The following GCH1 variants were observed in gnomAD, a reference collection of about 807,000 sequenced individuals.
GCH1 encodes the protein GTP cyclohydrolase 1.
A neutral mutation model predicts 25.9 loss-of-function variants in GCH1; 5 were observed. The observed-to-expected ratio is 0.19, with a 90% CI of 0.10 to 0.41. GCH1 has a LOEUF of 0.41. Among genes scored for constraint, GCH1 ranks in the 10% least tolerant of loss-of-function variants. The pLI is 1.00. For synonymous variants in GCH1, 159 were observed against 129.6 expected (o/e 1.23, Z -1.54); for missense variants, 261 against 336.5 (o/e 0.78, Z 1.75).
chr14:54,874,776 ACT>A (rs1257599994), intron 1 of GCH1, among the ~76,000 whole-genome samples: 2 of 152,172 alleles, frequency 1.3e-5, no homozygotes, highest in Non-Finnish European at 2.9e-5. Flanking sequence ...TAGGAATCCA[ACT>A]TACAAGGGAC....
intron 3 of GCH1, among the ~76,000 whole-genome samples, chr14:54,855,327 G>A (rs1312489078): frequency 6.6e-6 from 1 of 151,850 alleles, no homozygotes; most frequent in African/African-American, 2.4e-5. Flanking sequence ...CCAACATGTT[G>A]AAACCCCATC....
intron 1 of GCH1, among the ~76,000 whole-genome samples, chr14:54,868,106 T>A (rs1199574446): frequency 1.3e-5 from 2 of 151,966 alleles, no homozygotes; most frequent in Non-Finnish European, 2.9e-5. Flanking sequence ...ACAAAATATC[T>A]AAACAAGTAC....
intron 1 of GCH1, among the ~76,000 whole-genome samples, chr14:54,901,672 C>G (rs926592291): frequency 7.2e-5 from 11 of 152,132 alleles, no homozygotes. Flanking sequence ...GCAAACTCAC[C>G]CAATCAACCT....
intron 3 of GCH1, among the ~76,000 whole-genome samples, chr14:54,857,431 T>C (rs536049045): frequency 2.0e-5 from 3 of 152,336 alleles, no homozygotes; most frequent in African/African-American, 7.2e-5. Flanking sequence ...CAGAGAAGGC[T>C]GTTACATTAA....
intron 1 of GCH1, among the ~76,000 whole-genome samples, chr14:54,900,384 G>T (rs1178491520): frequency 2.0e-5 from 3 of 150,692 alleles, no homozygotes; most frequent in Non-Finnish European, 4.4e-5. Context: ...TAATTTTTTT[G>T]TATCTTTAGT....
chr14:54,902,696 A>AC lies in GCH1; in HGVS notation c.-34dup. The AC allele has an allele frequency of 7.1e-7, 1 of 1,415,778 alleles. No homozygotes were observed. Among genetic ancestry groups the AC allele is most frequent in the Non-Finnish European group, 9.2e-7 (1 of 1,090,246 alleles). The allele number at this position is 1,415,778 out of a possible 1,614,324, so 87.7% of individuals were successfully genotyped here. On this transcript the variant is annotated 5_prime_UTR_variant, in exon 1 of 6. Transcript: ENST00000491895. ...CCGCAGCCGCTGCCGTTCGGGAAGGACCCCGGGGCGCTTCGAGGTCTGCGG... is the reference window on the plus strand; with the variant it reads ...CCGCAGCCGCTGCCGTTCGGGAAGGACCCCCGGGGCGCTTCGAGGTCTGCGG...
intron 3 of GCH1, among the ~76,000 whole-genome samples, chr14:54,856,848 AT>A (rs1308225985): frequency 9.9e-5 from 15 of 152,214 alleles, no homozygotes; most frequent in Admixed American, 9.8e-4. Flanking sequence ...TTATTCTAGA[AT>A]TCTACTAGAG....
chr14:54,880,402 T>C (rs1231069712), intron 1 of GCH1, among the ~76,000 whole-genome samples: 1 of 136,490 alleles, frequency 7.3e-6, no homozygotes, highest in Non-Finnish European at 1.5e-5. Context: ...TATTATATAA[T>C]ACATAATATA....
Position 54,885,503 on chromosome 14 carries a change from T to A in GCH1, c.343+16818A>T, listed in dbSNP as rs137941008. On this transcript the variant is annotated intron_variant, in intron 1 of 5. Transcript: ENST00000491895. ...GCTTCTAGAAGCATAGCATCATTGA[T>A]GGCATCCAAACCTACACCTGGCTTC... 6.5e-4 allele frequency: 203 copies of A among 310,024 alleles called. 1 individual carries two copies. Among genetic ancestry groups the A allele is most frequent in the African/African-American group, 4.3e-3 (194 of 45,098 alleles). The allele number at this position is 310,024 out of a possible 1,614,324, so 19.2% of individuals were successfully genotyped here.
At chr14:54,871,660 A>C (rs1692324125) in intron 1 of GCH1, among the ~76,000 whole-genome samples, 1 of 152,268 alleles carries the variant, frequency 6.6e-6, no homozygotes, top group South Asian at 2.1e-4. Context: ...AAAGGACCTG[A>C]TGGAGCTGAA....
In GCH1 at chr14:54,902,489, G is replaced by T; in HGVS notation, c.175C>A (p.Arg59Ser). Residue 59 changes from arginine to serine, a missense_variant, in exon 1 of 6, where the codon CGC (arginine) becomes AGC (serine). Transcript: ENST00000491895. ...PADGWKGERPRSEEDNELNLP... is the reference protein window; with the variant it reads ...PADGWKGERPSSEEDNELNLP... ...TTCAGCTCGTTATCCTCCTCGCTGC[G>T]GGGCCGCTCGCCCTTCCAGCCGTCC... 1.2e-6 allele frequency: 2 copies of T among 1,609,426 alleles called. No individual in the cohort carries two copies. Among genetic ancestry groups the T allele is most frequent in the Non-Finnish European group, 1.7e-6 (2 of 1,178,586 alleles).
intron 1 of GCH1, among the ~76,000 whole-genome samples, chr14:54,870,844 G>A (rs529876282): frequency 2.0e-5 from 3 of 152,314 alleles, no homozygotes; most frequent in South Asian, 2.1e-4. Flanking sequence ...TAAACAAAGC[G>A]GCTGGGAAGC....
chr14:54,849,103 A>C (rs2039687595), intron 3 of GCH1, among the ~76,000 whole-genome samples: 1 of 152,228 alleles, frequency 6.6e-6, no homozygotes, highest in East Asian at 1.9e-4. Context: ...CTAGGATTTC[A>C]CTACCACCCA....
chr14:54,890,720 A>T (rs1037844305), intron 1 of GCH1, among the ~76,000 whole-genome samples: 2 of 152,214 alleles, frequency 1.3e-5, no homozygotes, highest in South Asian at 4.1e-4. Flanking sequence ...GGTAACTATG[A>T]ATGTTAGTGT....
In GCH1 at chr14:54,880,569, CAT is replaced by C. The variant is rs369550067; in HGVS notation, c.344-15135_344-15134del. Among the ~76,000 whole-genome samples the C allele has an allele frequency of 4.1e-4, 10 of 24,136 alleles. 1 individual carries two copies. The highest frequency in any genetic ancestry group is 2.6e-3 in the East Asian group (2 of 774). 15.8% of individuals were successfully genotyped at this position (24,136 alleles called of 152,430 possible). On this transcript the variant is annotated intron_variant, in intron 1 of 5. Transcript: ENST00000491895. The stretch of plus-strand genomic sequence containing the variant: ...ATATATACTCCATATATATATACTC[CAT>C]ATATATATACTCCATATATATATAC...
intron 3 of GCH1, among the ~76,000 whole-genome samples, chr14:54,849,502 A>G (rs1204519508): frequency 2.0e-5 from 3 of 152,108 alleles, no homozygotes; most frequent in African/African-American, 7.2e-5. Flanking sequence ...TAGATAATCG[A>G]TATTTCTTTC....
rs1242519962 is a variant in GCH1 at position 54,859,709 on chromosome 14, G to T, written c.481C>A (p.Gln161Lys). ...GCAAGTTTGCTGAGGCCAAGGACTT[G>T]CTTGTTAGGAAGATAACCAATATGG... ...KVHIGYLPNK[Q>K]VLGLSKLARI... Residue 161 changes from glutamine to lysine, a missense_variant, in exon 3 of 6, where the codon CAA (glutamine) becomes AAA (lysine). Gln to Lys is a moderately conservative substitution (Grantham distance 53). This residue lies in a region of GCH1 where 130 missense variants were observed against 184.1 expected (regional missense o/e 0.71). Transcript: ENST00000491895. The T allele has an allele frequency of 6.2e-7, 1 of 1,601,654 alleles. No individual in the cohort carries two copies. The highest frequency in any genetic ancestry group is 1.7e-5 in the Admixed American group (1 of 60,010).
chr14:54,860,875 A>G (rs1300102380), intron 2 of GCH1, among the ~76,000 whole-genome samples: 2 of 152,148 alleles, frequency 1.3e-5, no homozygotes, highest in African/African-American at 4.8e-5. Flanking sequence ...CACTGCTACC[A>G]CCATGGCTTG....
chr14:54,902,287 C>T (rs2040578429), intron 1 of GCH1, 34 bp downstream of exon 1: 1 of 1,605,980 alleles, frequency 6.2e-7, no homozygotes, highest in African/African-American at 1.3e-5. Flanking sequence ...GCCCCCGCCG[C>T]CCGCACGCTC....
Sources: gnomAD v4.1 joint callset for allele counts (sites outside exome capture counted in the v4.1 genomes callset) on GRCh38, gnomAD v4.1.1 for gene constraint, gnomAD v4.1.1 regional missense constraint, MANE v1.5 for transcripts, NCBI Gene and HGNC (gene_info 2026-07-23, HGNC 2026-07-21) for gene names.